Variants in SIDT1 observed in about 807,000 individuals in gnomAD.
The protein encoded by SIDT1 is SID1 transmembrane family, member 1.
In SIDT1, 101 loss-of-function variants were observed where a neutral mutation model predicts 107.5. The ratio of observed to expected loss-of-function variants is 0.94; its 90% CI spans 0.80 to 1.11. The LOEUF (loss-of-function observed/expected upper bound fraction) is 1.11. SIDT1 is among the 50% of genes least tolerant of loss of function. The pLI, the probability that SIDT1 is intolerant of heterozygous loss-of-function variation, is 0.00. For synonymous variants in SIDT1, 395 were observed against 398.2 expected, an observed-to-expected ratio of 0.99 and a Z score of 0.10; for missense variants, 1,076 against 1,058.2, an observed-to-expected ratio of 1.02 and a Z score of -0.23.
intron 1 of SIDT1, among the ~76,000 whole-genome samples, chr3:113,541,747 A>T (rs1221067439): frequency 6.6e-6 from 1 of 151,586 alleles, no homozygotes; most frequent in Non-Finnish European, 1.5e-5. Flanking sequence ...CTTGTCTCAC[A>T]TTTTTTTTCT....
At chr3:113,609,220 G>A (rs753236747) in intron 17 of SIDT1, among the ~76,000 whole-genome samples, 2 of 151,622 alleles carry the variant, frequency 1.3e-5, no homozygotes, top group East Asian at 1.9e-4. Context: ...GCACCACCAC[G>A]CCCAGCTAAT....
At position 113,603,059 on chromosome 3, in the gene SIDT1, C is replaced by T. The variant is rs139188815; in HGVS notation, c.1172C>T (p.Pro391Leu). ...ATGTCCTCCTCCGATGGTGGGCCACCGGGCCAGTCAGACACAGACAGCTCC... is the reference window on the plus strand; with the variant it reads ...ATGTCCTCCTCCGATGGTGGGCCACTGGGCCAGTCAGACACAGACAGCTCC... ...RQMSSSDGGP[P>L]GQSDTDSSVE... Residue 391 changes from proline to leucine, a missense_variant, in exon 12 of 25, where the codon CCG (proline) becomes CTG (leucine). By Grantham distance (98) the Pro-to-Leu change is moderately conservative (BLOSUM62 -3). Coordinates refer to ENST00000264852, the MANE Select transcript of SIDT1 (RefSeq NM_017699.3). The T allele has an allele frequency of 3.8e-5, 62 of 1,613,954 alleles. No individual in the cohort carries two copies. Among genetic ancestry groups the T allele is most frequent in the Non-Finnish European group, 5.0e-5 (59 of 1,179,992 alleles).
intron 23 of SIDT1, among the ~76,000 whole-genome samples, chr3:113,624,523 T>C (rs1946706756): frequency 1.3e-5 from 2 of 152,270 alleles, no homozygotes. Flanking sequence ...GTTGGATTGT[T>C]TCTATTTTTG....
chr3:113,583,466 T>C lies in SIDT1; in HGVS notation c.805T>C (p.Tyr269His), dbSNP rs372590085. ...FVVFVIKPED[Y>H]ACGGSFFIQE... is the part of the protein sequence containing the mutation. ...GGTATTTGTGATAAAGCCTGAAGAT[T>C]ATGCCTGTGGAGGATCTTTCTTCAT... The change falls in exon 7 of 25, where the codon TAT (tyrosine) becomes CAT (histidine). Residue 269 changes from tyrosine (Y) to histidine (H), a missense_variant. Tyr to His is a moderately conservative substitution (Grantham distance 83, BLOSUM62 2). Coordinates refer to ENST00000264852, the MANE Select transcript of SIDT1 (RefSeq NM_017699.3). 3 of 1,599,554 alleles carry C rather than the reference T, an allele frequency of 1.9e-6. No homozygotes were observed. Among genetic ancestry groups the C allele is most frequent in the Non-Finnish European group, 2.6e-6 (3 of 1,169,862 alleles).
At chr3:113,602,917 T>C (rs1945059808) in intron 11 of SIDT1, 88 bp from the exon 12 acceptor site, 1 of 1,366,228 alleles carries the variant, frequency 7.3e-7, no homozygotes, top group African/African-American at 1.5e-5. Flanking sequence ...TTTCCTAGAA[T>C]GAGTCTGCAC....
chr3:113,550,172 T>A (rs1940053729), intron 1 of SIDT1, among the ~76,000 whole-genome samples: 1 of 152,164 alleles, frequency 6.6e-6, no homozygotes, highest in Non-Finnish European at 1.5e-5. Flanking sequence ...ACCACTCCCT[T>A]TCCCTATGTA....
At chr3:113,592,524 T>TGAG (rs1177025298) in intron 9 of SIDT1, among the ~76,000 whole-genome samples, 1 of 152,200 alleles carries the variant, frequency 6.6e-6, no homozygotes, top group South Asian at 2.1e-4. Flanking sequence ...CAACAATGTA[T>TGAG]GAGTTCCAAT....
intron 1 of SIDT1, among the ~76,000 whole-genome samples, chr3:113,539,778 G>A (rs1049802267): frequency 2.0e-5 from 3 of 152,164 alleles, no homozygotes; most frequent in Admixed American, 6.5e-5. Context: ...CAAGGTGGGT[G>A]GATCACCTGA....
At chr3:113,565,218 T>C in intron 1 of SIDT1, among the ~76,000 whole-genome samples, 1 of 152,206 alleles carries the variant, frequency 6.6e-6, no homozygotes, top group South Asian at 2.1e-4. Context: ...TTCTCTTACA[T>C]GTTGCCTATG....
intron 3 of SIDT1, among the ~76,000 whole-genome samples, chr3:113,572,613 A>C (rs1390745168): frequency 6.6e-6 from 1 of 152,242 alleles, no homozygotes; most frequent in Non-Finnish European, 1.5e-5. Context: ...GGCAAATGAA[A>C]AGTTATCTGA....
chr3:113,583,512 G>A lies in SIDT1; in HGVS notation c.835+16G>A. 1.9e-6 allele frequency: 3 copies of A among 1,547,568 alleles called. No homozygotes were observed. Among genetic ancestry groups the A allele is most frequent in the Non-Finnish European group, 2.7e-6 (3 of 1,131,454 alleles). ...TTCATCCAGGGTAAGAGCTAGTGAG[G>A]AACACTTGGCTGCTTAGCAAAACCT... On this transcript the variant is annotated intron_variant, in intron 7 of 24. Transcript: ENST00000264852.
Position 113,601,594 on chromosome 3 carries a change from G to A in SIDT1, c.1052G>A (p.Gly351Glu). The A allele has an allele frequency of 6.2e-7, 1 of 1,613,738 alleles. No individual in the cohort carries two copies. The highest frequency in any genetic ancestry group is 8.5e-7 in the Non-Finnish European group (1 of 1,179,670). The change falls in exon 11 of 25, where the codon GGA (glycine) becomes GAA (glutamate). Residue 351 changes from glycine to glutamate, a missense_variant. Transcript: ENST00000264852. Reference protein sequence around the residue: ...DGSFGSNDGSGNMVASHPIAA... With the variant: ...DGSFGSNDGSENMVASHPIAA... ...TCTTCACTTTTTTTAACAGGCTCTG[G>A]AAATATGGTGGCATCTCATCCCATT...
At chr3:113,556,932 G>C (rs970813347) in intron 1 of SIDT1, among the ~76,000 whole-genome samples, 1 of 143,366 alleles carries the variant, frequency 7.0e-6, no homozygotes, top group African/African-American at 2.6e-5. Flanking sequence ...CCATTCTCCT[G>C]TCTCAGCCTT....
intron 12 of SIDT1, 56 bp downstream of exon 12, chr3:113,603,206 T>A: frequency 6.5e-7 from 1 of 1,542,112 alleles, no homozygotes; most frequent in Non-Finnish European, 8.8e-7. Context: ...GGCAGTAGAA[T>A]AAACTTCAGC....
chr3:113,611,025 A>G lies in SIDT1; in HGVS notation c.1738A>G (p.Met580Val), dbSNP rs372409811. The G allele has an allele frequency of 1.9e-6, 3 of 1,613,774 alleles. No homozygotes were observed. Among genetic ancestry groups the G allele is most frequent in the African/African-American group, 2.7e-5 (2 of 74,880 alleles). ...GTCCTCAGACACCTCCTTCATGTAC[A>G]TGATCGCTGGCCTGTGCATGCTGAA... is the stretch of plus-strand genomic sequence containing the variant. ...NFQFDTSFMY[M>V]IAGLCMLKLY... Residue 580 changes from methionine (M) to valine (V), a missense_variant, in exon 18 of 25, where the codon ATG becomes GTG. By Grantham distance (21) the Met-to-Val change is conservative (BLOSUM62 1). Coordinates refer to ENST00000264852, the MANE Select transcript of SIDT1 (RefSeq NM_017699.3).
chr3:113,576,094 C>G (rs747439276), intron 3 of SIDT1, among the ~76,000 whole-genome samples: 1 of 152,202 alleles, frequency 6.6e-6, no homozygotes. Context: ...TTGTGACAAA[C>G]ACTTGAACTG....
intron 1 of SIDT1, among the ~76,000 whole-genome samples, chr3:113,559,708 G>C (rs543585217): frequency 6.6e-6 from 1 of 152,268 alleles, no homozygotes; most frequent in South Asian, 2.1e-4. Flanking sequence ...GCCTCCCAAA[G>C]TGCTGGGATT....
chr3:113,540,451 T>C (rs777368664), intron 1 of SIDT1, among the ~76,000 whole-genome samples: 9 of 152,214 alleles, frequency 5.9e-5, no homozygotes, highest in Non-Finnish European at 1.2e-4. Context: ...ATAAGATGAC[T>C]GGAAACAATT....
rs73854515 is a variant in SIDT1, at chr3:113,563,423, C to T, written c.223-2997C>T. ...CTTCAGTAACCAGGAATGGTGAAAA[C>T]TTCCTTGACTATGACTCAAAATTCA... On this transcript the variant is annotated intron_variant, in intron 1 of 24. Coordinates refer to ENST00000264852, the MANE Select transcript of SIDT1 (RefSeq NM_017699.3). 4.4e-3 allele frequency among the ~76,000 whole-genome samples: 672 copies of T among 152,302 alleles called. 2 individuals are homozygous for T. The highest frequency in any genetic ancestry group is 0.016 in the African/African-American group (646 of 41,554).
Sources: allele counts gnomAD v4.1 joint callset (sites outside exome capture counted in the v4.1 genomes callset), GRCh38; gene constraint gnomAD v4.1.1; transcripts MANE v1.5; gene names NCBI Gene and HGNC (gene_info 2026-07-23, HGNC 2026-07-21).